CNTN5: variants seen among roughly 807,000 people sequenced by gnomAD.
The protein encoded by CNTN5 is contactin 5.
Under a neutral mutation model 129.1 loss-of-function variants are expected in CNTN5, and 77 were observed. The ratio of observed to expected loss-of-function variants is 0.60; its 90% confidence interval spans 0.50 to 0.72. CNTN5 has a LOEUF of 0.72. CNTN5 is among the 30% of genes least tolerant of loss of function. The pLI, the probability that CNTN5 is intolerant of heterozygous loss-of-function variation, is 0.00. For synonymous variants in CNTN5, 509 were observed against 465.6 expected (o/e 1.09, Z -1.20); for missense variants, 1,478 against 1,328.8 (o/e 1.11, Z -1.75).
At chr11:99,840,143 C>T (rs934580298) in intron 4 of CNTN5, among the ~76,000 whole-genome samples, 1 of 152,082 alleles carries the variant, frequency 6.6e-6, no homozygotes, top group Non-Finnish European at 1.5e-5. Flanking sequence ...ACTACTTCAC[C>T]ATGGTAATGT....
intron 3 of CNTN5, among the ~76,000 whole-genome samples, chr11:99,683,850 G>A (rs1953667301): frequency 1.3e-5 from 2 of 151,260 alleles, no homozygotes; most frequent in African/African-American, 4.9e-5. Flanking sequence ...ATATATTTAT[G>A]GTGTACGTGA....
At chr11:99,558,906 T>A (rs1948754971) in intron 3 of CNTN5, among the ~76,000 whole-genome samples, 1 of 152,052 alleles carries the variant, frequency 6.6e-6, no homozygotes, top group African/African-American at 2.4e-5. Flanking sequence ...CAGATGAATT[T>A]CTTTTTTGCT....
At chr11:100,218,916 C>G (rs572317036) in intron 15 of CNTN5, among the ~76,000 whole-genome samples, 3 of 152,202 alleles carry the variant, frequency 2.0e-5, no homozygotes, top group African/African-American at 7.2e-5. Flanking sequence ...ATTAACTTAG[C>G]ATTGGCATAG....
At chr11:99,232,650 C>A (rs950031196) in intron 1 of CNTN5, among the ~76,000 whole-genome samples, 26 of 152,132 alleles carry the variant, frequency 1.7e-4, no homozygotes, top group Non-Finnish European at 1.2e-4. Context: ...TTATTTCTTT[C>A]TCTTGCCTGA....
intron 13 of CNTN5, among the ~76,000 whole-genome samples, chr11:100,088,206 A>C (rs1444765012): frequency 6.6e-6 from 1 of 151,952 alleles, no homozygotes; most frequent in East Asian, 1.9e-4. Context: ...CACAAACCAG[A>C]ATATCAAGAA....
chr11:99,646,564 C>A (rs1354451259), intron 3 of CNTN5, among the ~76,000 whole-genome samples: 1 of 152,106 alleles, frequency 6.6e-6, no homozygotes, highest in African/African-American at 2.4e-5. Context: ...GCTGACTGGT[C>A]AATATGACTA....
At chr11:99,477,471 A>G (rs1945418062) in intron 2 of CNTN5, among the ~76,000 whole-genome samples, 1 of 151,958 alleles carries the variant, frequency 6.6e-6, no homozygotes, top group Non-Finnish European at 1.5e-5. Flanking sequence ...GGCTTTCACC[A>G]TATTTTTAAT....
At chr11:99,254,765 A>C (rs1862290303) in intron 1 of CNTN5, among the ~76,000 whole-genome samples, 2 of 151,968 alleles carry the variant, frequency 1.3e-5, no homozygotes, top group Admixed American at 6.6e-5. Flanking sequence ...TAATTAACTT[A>C]TTGTGGTCAT....
chr11:100,224,267 C>T (rs747207530), intron 15 of CNTN5, among the ~76,000 whole-genome samples: 6 of 152,116 alleles, frequency 3.9e-5, no homozygotes, highest in African/African-American at 1.2e-4. Flanking sequence ...AATAAAGTCA[C>T]GAGATAATAT....
At chr11:99,420,830 T>G (rs971892142) in intron 2 of CNTN5, among the ~76,000 whole-genome samples, 1 of 152,158 alleles carries the variant, frequency 6.6e-6, no homozygotes, top group Admixed American at 6.5e-5. Context: ...ATATATTTCC[T>G]ATTTCCTACT....
At chr11:99,650,710 A>C (rs1255903377) in intron 3 of CNTN5, among the ~76,000 whole-genome samples, 1 of 151,932 alleles carries the variant, frequency 6.6e-6, no homozygotes, top group Non-Finnish European at 1.5e-5. Flanking sequence ...CTTCTACTAC[A>C]AATGAAATAA....
chr11:99,299,750 T>C (rs1864544963), intron 1 of CNTN5, among the ~76,000 whole-genome samples: 1 of 152,216 alleles, frequency 6.6e-6, no homozygotes. Flanking sequence ...GGCTGCATAG[T>C]ATTCCATAGT....
At chr11:99,025,253 T>A (rs1267754433) in intron 1 of CNTN5, among the ~76,000 whole-genome samples, 1 of 151,888 alleles carries the variant, frequency 6.6e-6, no homozygotes, top group Non-Finnish European at 1.5e-5. Context: ...ACAGTTAGTA[T>A]CTTTACTAGA....
At chr11:99,275,484 G>A (rs971397358) in intron 1 of CNTN5, among the ~76,000 whole-genome samples, 5 of 151,760 alleles carry the variant, frequency 3.3e-5, no homozygotes, top group South Asian at 2.1e-4. Context: ...ACCTACCAAT[G>A]AAGTGATTAT....
At chr11:99,885,713 T>G (rs1948884537) in intron 6 of CNTN5, among the ~76,000 whole-genome samples, 1 of 152,130 alleles carries the variant, frequency 6.6e-6, no homozygotes, top group African/African-American at 2.4e-5. Context: ...CGTAGATATC[T>G]CTAGAAAGTT....
chr11:99,967,303 T>C (rs1241830037), intron 8 of CNTN5, among the ~76,000 whole-genome samples: 2 of 152,204 alleles, frequency 1.3e-5, no homozygotes, highest in African/African-American at 2.4e-5. Context: ...TCATTTTCCC[T>C]TACTGACATG....
chr11:99,376,465 T>C lies in CNTN5; in HGVS notation c.-71+50981T>C, dbSNP rs546579926. Among the ~76,000 whole-genome samples the C allele has an allele frequency of 8.5e-5, 13 of 152,252 alleles. No individual in the cohort carries two copies. In the South Asian group the frequency reaches 2.3e-3, roughly 27 times the overall value. ...AGGTAAAAGTGTTTAAAACTGAACA[T>C]TGAAGTTCAGTTTTATAAAATTATA... On this transcript the variant is annotated intron_variant, in intron 2 of 24. Coordinates refer to ENST00000524871, the MANE Select transcript of CNTN5 (RefSeq NM_014361.4).
At chr11:99,682,680 A>T (rs1953609920) in intron 3 of CNTN5, among the ~76,000 whole-genome samples, 1 of 151,968 alleles carries the variant, frequency 6.6e-6, no homozygotes. Flanking sequence ...ATTGGCACAT[A>T]AAACCAAAAT....
At chr11:99,220,082 T>C (rs1860324440) in intron 1 of CNTN5, among the ~76,000 whole-genome samples, 1 of 151,976 alleles carries the variant, frequency 6.6e-6, no homozygotes, top group Non-Finnish European at 1.5e-5. Context: ...CCAGTTTTGT[T>C]GGATCAGCCA....
Sources: gnomAD v4.1 joint callset for allele counts (sites outside exome capture counted in the v4.1 genomes callset) on GRCh38, gnomAD v4.1.1 for gene constraint, MANE v1.5 for transcripts, NCBI Gene and HGNC (gene_info 2026-07-23, HGNC 2026-07-21) for gene names.